Variants in THSD4 observed in about 807,000 individuals in gnomAD.
The protein encoded by THSD4 is thrombospondin type-1 domain-containing protein 4.
In THSD4, 69 loss-of-function variants were observed where a neutral mutation model predicts 119.0. The ratio of observed to expected loss-of-function variants is 0.58; its 90% CI spans 0.48 to 0.71. The LOEUF (loss-of-function observed/expected upper bound fraction) is 0.71. Ranked by LOEUF, THSD4 falls within the 30% of genes least tolerant of loss-of-function variation. The pLI, the probability that THSD4 is intolerant of heterozygous loss-of-function variation, is 0.00. For missense variants in THSD4, 1,393 were observed against 1,391.1 expected, an observed-to-expected ratio of 1.00 and a Z score of -0.02; for synonymous variants, 524 against 540.4, an observed-to-expected ratio of 0.97 and a Z score of 0.42.
chr15:71,116,100 C>A lies in THSD4; in HGVS notation c.-80+402C>A, dbSNP rs554607258. ...GTGCACACCCAGCCCGTGCGCCCCCCACCTCAGCCTCGCCTCCCTCCCGCC... is the reference window on the plus strand; with the variant it reads ...GTGCACACCCAGCCCGTGCGCCCCCAACCTCAGCCTCGCCTCCCTCCCGCC... On this transcript the variant is annotated intron_variant, in intron 1 of 17. Transcript: ENST00000261862. Among the ~76,000 whole-genome samples the A allele has an allele frequency of 2.6e-5, 4 of 152,302 alleles. No individual in the cohort carries two copies. The South Asian group carries it at 8.3e-4, about 32-fold the overall frequency.
intron 1 of THSD4, among the ~76,000 whole-genome samples, chr15:71,100,758 T>C (rs950139141): frequency 6.6e-6 from 1 of 152,110 alleles, no homozygotes. Context: ...GGTAGATGGA[T>C]CACTTGAGCC....
chr15:71,702,129 C>G (rs1354507587), intron 8 of THSD4, among the ~76,000 whole-genome samples: 2 of 152,070 alleles, frequency 1.3e-5, no homozygotes, highest in Non-Finnish European at 2.9e-5. Context: ...GTCAGGTGCT[C>G]CCATCTGCTT....
chr15:71,417,376 T>C (rs1411929832), intron 7 of THSD4, among the ~76,000 whole-genome samples: 1 of 108,306 alleles, frequency 9.2e-6, no homozygotes, highest in East Asian at 3.1e-4. Context: ...AGGTCTTAGA[T>C]TTAAGTGTTT....
intron 3 of THSD4, among the ~76,000 whole-genome samples, chr15:71,162,395 A>C (rs1288628333): frequency 1.3e-5 from 2 of 152,022 alleles, no homozygotes; most frequent in African/African-American, 2.4e-5. Context: ...CTTTGCTGGA[A>C]ATAGTATTCT....
intron 1 of THSD4, among the ~76,000 whole-genome samples, chr15:71,127,276 A>G (rs2040463833): frequency 6.6e-6 from 1 of 152,226 alleles, no homozygotes; most frequent in South Asian, 2.1e-4. Context: ...AAGGTTGAAT[A>G]ATGTCCCATC....
intron 7 of THSD4, among the ~76,000 whole-genome samples, chr15:71,608,437 C>A (rs1417494974): frequency 6.6e-6 from 1 of 152,072 alleles, no homozygotes; most frequent in Non-Finnish European, 1.5e-5. Flanking sequence ...ATTACAAATT[C>A]TCTGTCAACA....
At chr15:71,248,298 C>A (rs189118671) in intron 5 of THSD4, among the ~76,000 whole-genome samples, 40 of 152,202 alleles carry the variant, frequency 2.6e-4, no homozygotes, top group African/African-American at 7.0e-4. Flanking sequence ...ACAACAACAA[C>A]AAAAAATCCT....
Position 71,442,658 on chromosome 15 carries a change from G to GTGTGTATGTA in THSD4, c.1152+30838_1152+30839insGTATGTATGT, listed in dbSNP as rs1403001889. On this transcript the variant is annotated intron_variant, in intron 7 of 17. Coordinates refer to ENST00000261862, the MANE Select transcript of THSD4 (RefSeq NM_024817.3). ...TGTGTGTGTATATGTGTGTGTGTGT[G>GTGTGTATGTA]TGTATATATATATATATATATATAT... is the stretch of plus-strand genomic sequence containing the variant. 3.7e-3 allele frequency among the ~76,000 whole-genome samples: 116 copies of GTGTGTATGTA among 31,306 alleles called. 6 individuals are homozygous for GTGTGTATGTA. The highest frequency in any genetic ancestry group is 0.048 in the Middle Eastern group (2 of 42). The allele number at this position is 31,306 out of a possible 152,430, so 20.5% of individuals were successfully genotyped here.
chr15:71,474,280 C>T (rs565438555), intron 7 of THSD4, among the ~76,000 whole-genome samples: 7 of 151,992 alleles, frequency 4.6e-5, no homozygotes, highest in African/African-American at 9.7e-5. Flanking sequence ...AGTGCAGTGG[C>T]GTGATCTCGG....
chr15:71,527,401 G>C (rs907501304), intron 7 of THSD4, among the ~76,000 whole-genome samples: 4 of 152,144 alleles, frequency 2.6e-5, no homozygotes, highest in African/African-American at 9.7e-5. Context: ...TTCTCAAATG[G>C]AGGGCAACAA....
rs546473738 is a variant in THSD4 at position 71,515,229 on chromosome 15, T to A, written c.1152+103406T>A. ...TCCCTGTGCTAAGTACTACCTCTTTTCATTGAAGCACCTGTCAGGATTAGA... is the reference window on the plus strand; with the variant it reads ...TCCCTGTGCTAAGTACTACCTCTTTACATTGAAGCACCTGTCAGGATTAGA... On this transcript the variant is annotated intron_variant, in intron 7 of 17. Coordinates refer to ENST00000261862, the MANE Select transcript of THSD4 (RefSeq NM_024817.3). 3.3e-5 allele frequency among the ~76,000 whole-genome samples: 5 copies of A among 152,350 alleles called. No homozygotes were observed. The South Asian group carries it at 1.0e-3, about 32-fold the overall frequency.
At chr15:71,141,949 C>T (rs2040608901) in intron 2 of THSD4, among the ~76,000 whole-genome samples, 1 of 152,122 alleles carries the variant, frequency 6.6e-6, no homozygotes, top group Non-Finnish European at 1.5e-5. Context: ...ATTAAAAATA[C>T]AAAATTAGCT....
chr15:71,372,958 A>C (rs1258806985), intron 6 of THSD4, among the ~76,000 whole-genome samples: 1 of 152,116 alleles, frequency 6.6e-6, no homozygotes, highest in Non-Finnish European at 1.5e-5. Context: ...TTGTTTACCT[A>C]CTCAAGCCTC....
intron 5 of THSD4, among the ~76,000 whole-genome samples, chr15:71,245,805 A>G (rs1014568847): frequency 6.6e-6 from 1 of 152,150 alleles, no homozygotes; most frequent in South Asian, 2.1e-4. Flanking sequence ...AGCCACTCCT[A>G]TCATTTAGGG....
intron 7 of THSD4, among the ~76,000 whole-genome samples, chr15:71,568,507 G>A (rs8042355): frequency 0.74 from 111,315 of 151,328 alleles, 41,556 homozygotes; most frequent in East Asian, 0.91. Context: ...AAAATAAAGT[G>A]CAAGTACCAA....
intron 7 of THSD4, among the ~76,000 whole-genome samples, chr15:71,438,125 C>T (rs145986461): frequency 6.6e-6 from 1 of 152,298 alleles, no homozygotes; most frequent in East Asian, 1.9e-4. Context: ...TGTGCAGTGC[C>T]CTCCTCGCCC....
At chr15:71,757,423 A>T (rs910366594) in intron 14 of THSD4, among the ~76,000 whole-genome samples, 8 of 129,372 alleles carry the variant, frequency 6.2e-5, no homozygotes, top group African/African-American at 2.3e-4. Flanking sequence ...GAATATATAT[A>T]TATTTTTTTA....
At chr15:71,742,792 T>C (rs1313667700) in intron 11 of THSD4, among the ~76,000 whole-genome samples, 2 of 152,132 alleles carry the variant, frequency 1.3e-5, no homozygotes, top group African/African-American at 4.8e-5. Context: ...CCGTGGCTTA[T>C]GCCTGTAATC....
chr15:71,493,182 G>A (rs941995995), intron 7 of THSD4, among the ~76,000 whole-genome samples: 5 of 152,270 alleles, frequency 3.3e-5, no homozygotes, highest in East Asian at 3.9e-4. Context: ...CTTGCCCCTC[G>A]TCAGATTTCA....
Sources: allele counts gnomAD v4.1 joint callset (sites outside exome capture counted in the v4.1 genomes callset), GRCh38; gene constraint gnomAD v4.1.1; transcripts MANE v1.5; gene names NCBI Gene and HGNC (gene_info 2026-07-23, HGNC 2026-07-21).